The following AP3B1 variants were observed in gnomAD, a reference collection of about 807,000 sequenced individuals.
The protein encoded by AP3B1 is AP-3 complex subunit beta-1.
Under a neutral mutation model 132.5 loss-of-function variants are expected in AP3B1, and 61 were observed. The ratio of observed to expected loss-of-function variants is 0.46; its 90% CI spans 0.37 to 0.57. The LOEUF is 0.57. Among genes scored for constraint, AP3B1 ranks in the 20% least tolerant of loss-of-function variants. The probability of loss-of-function intolerance (pLI) is 0.00; values close to 1 mark genes in which losing one functional copy is unlikely to be tolerated. For missense variants in AP3B1, 1,120 were observed against 1,289.4 expected, an observed-to-expected ratio of 0.87 and a Z score of 2.01; for synonymous variants, 388 against 438.3, an observed-to-expected ratio of 0.89 and a Z score of 1.43.
intron 11 of AP3B1, among the ~76,000 whole-genome samples, chr5:78,168,697 T>C (rs1392128517): frequency 1.3e-5 from 2 of 152,298 alleles, no homozygotes; most frequent in East Asian, 1.9e-4. Flanking sequence ...TTCCACAGAC[T>C]ACAGTACAAC....
intron 3 of AP3B1, among the ~76,000 whole-genome samples, chr5:78,231,859 C>T (rs11960877): frequency 0.27 from 41,527 of 152,082 alleles, 5,875 homozygotes; most frequent in Middle Eastern, 0.34. Flanking sequence ...TTTATTCTTA[C>T]TTTACAGATA....
intron 7 of AP3B1, among the ~76,000 whole-genome samples, chr5:78,183,265 A>G (rs1300915805): frequency 6.6e-6 from 1 of 152,008 alleles, no homozygotes. Context: ...ATGAGACAGC[A>G]CCCCTCTCTC....
intron 1 of AP3B1, among the ~76,000 whole-genome samples, chr5:78,292,910 A>AC: frequency 6.6e-6 from 1 of 151,210 alleles, no homozygotes; most frequent in South Asian, 2.1e-4. Flanking sequence ...ACGGAGTCTC[A>AC]CTCTGTCGCC....
intron 22 of AP3B1, among the ~76,000 whole-genome samples, chr5:78,079,327 T>G (rs1374761691): frequency 6.6e-6 from 1 of 152,146 alleles, no homozygotes; most frequent in Non-Finnish European, 1.5e-5. Flanking sequence ...ACAAAAGAAT[T>G]TTACAGAAAT....
intron 3 of AP3B1, among the ~76,000 whole-genome samples, chr5:78,229,944 C>T (rs1277521438): frequency 1.3e-5 from 2 of 152,132 alleles, no homozygotes; most frequent in African/African-American, 4.8e-5. Context: ...CCTAATTTCT[C>T]GTGAAACATA....
chr5:78,133,447 G>A (rs1424757361), intron 15 of AP3B1, among the ~76,000 whole-genome samples: 2 of 152,148 alleles, frequency 1.3e-5, no homozygotes, highest in Admixed American at 6.5e-5. Context: ...CCTCAAAGCG[G>A]AGGTCTACAA....
At chr5:78,264,267 C>T (rs1580564015) in intron 2 of AP3B1, among the ~76,000 whole-genome samples, 1 of 152,028 alleles carries the variant, frequency 6.6e-6, no homozygotes, top group African/African-American at 2.4e-5. Context: ...TTTTAATTTC[C>T]ACTGGTCATT....
At chr5:78,108,882 A>G (rs930911885) in intron 20 of AP3B1, among the ~76,000 whole-genome samples, 1 of 152,062 alleles carries the variant, frequency 6.6e-6, no homozygotes, top group African/African-American at 2.4e-5. Context: ...GAAGTCTATA[A>G]TTTTTCAACT....
intron 3 of AP3B1, among the ~76,000 whole-genome samples, chr5:78,233,971 T>G (rs558934480): frequency 4.8e-4 from 73 of 152,190 alleles, no homozygotes; most frequent in Admixed American, 9.2e-4. Context: ...AAAAATTATA[T>G]TTTATTTATA....
chr5:78,100,360 AG>A (rs962309061), intron 21 of AP3B1, among the ~76,000 whole-genome samples: 1 of 152,214 alleles, frequency 6.6e-6, no homozygotes, highest in Non-Finnish European at 1.5e-5. Flanking sequence ...CTCACTATGC[AG>A]GAGGATTTAA....
chr5:78,002,933 C>T lies in AP3B1; in HGVS notation c.3254G>A (p.Arg1085Gln), dbSNP rs151028592. 2.6e-5 allele frequency: 42 copies of T among 1,614,028 alleles called. No homozygotes were observed. The highest frequency in any genetic ancestry group is 9.3e-5 in the African/African-American group (7 of 74,912). Residue 1085 changes from arginine (R) to glutamine (Q), a missense_variant, in exon 27 of 27, where the codon CGG becomes CAG. Physicochemically the swap from Arg to Gln is conservative, Grantham distance 43. This residue lies in a region of AP3B1 where 906 missense variants were observed against 997.1 expected (regional missense o/e 0.91). Transcript: ENST00000255194. ...EKTVIGSVLL[R>Q]ELKPVLSQG is the part of the protein sequence containing the mutation. Reference sequence around the variant, plus strand: ...CTGAGACAGGACAGGCTTCAGTTCCCGCAGCAGAACAGAGCCAATCACAGT... The same window carrying T: ...CTGAGACAGGACAGGCTTCAGTTCCTGCAGCAGAACAGAGCCAATCACAGT...
rs1261573628 is a variant in AP3B1 at position 78,243,381 on chromosome 5, G to A, written c.205-2445C>T. Among the ~76,000 whole-genome samples, 3 of 152,230 alleles carry A rather than the reference G, an allele frequency of 2.0e-5. No homozygotes were observed. In the South Asian group the frequency reaches 6.2e-4, roughly 32 times the overall value. ...ACTATCTAACTTTATTCCGCAGAACGTTATTCAAATATGGGGAAGGAAAAA... is the reference window on the plus strand; with the variant it reads ...ACTATCTAACTTTATTCCGCAGAACATTATTCAAATATGGGGAAGGAAAAA... On this transcript the variant is annotated intron_variant, in intron 2 of 26. Transcript: ENST00000255194.
At chr5:78,169,279 G>C (rs1361694572) in intron 11 of AP3B1, among the ~76,000 whole-genome samples, 2 of 151,700 alleles carry the variant, frequency 1.3e-5, no homozygotes, top group Non-Finnish European at 2.9e-5. Flanking sequence ...CTAACCCTTC[G>C]ACCTCCCAAT....
intron 24 of AP3B1, among the ~76,000 whole-genome samples, chr5:78,032,964 A>T: frequency 6.6e-6 from 1 of 152,146 alleles, no homozygotes; most frequent in East Asian, 1.9e-4. Flanking sequence ...GAAAGACAAA[A>T]TGCAAATCCT....
At position 78,010,894 on chromosome 5, in the gene AP3B1, C is replaced by T. The variant is rs1456208814; in HGVS notation, c.3131+4516G>A. Among the ~76,000 whole-genome samples the T allele has an allele frequency of 2.0e-5, 3 of 152,046 alleles. No homozygotes were observed. In the East Asian group the frequency reaches 5.8e-4, roughly 29 times the overall value. ...CATTAAAATAAATTTGAATATCTTA[C>T]ACAGGAAGTGAAGATATTCAGCTAC... On this transcript the variant is annotated intron_variant, in intron 26 of 26. Coordinates refer to ENST00000255194, the MANE Select transcript of AP3B1 (RefSeq NM_003664.5).
chr5:78,139,752 G>C (rs549228593), intron 15 of AP3B1, among the ~76,000 whole-genome samples: 9 of 152,298 alleles, frequency 5.9e-5, no homozygotes, highest in Admixed American at 5.2e-4. Flanking sequence ...GGCAGACAGA[G>C]AGGGAGACAC....
At position 78,075,185 on chromosome 5, in the gene AP3B1, G is replaced by C. The variant is rs1461102910; in HGVS notation, c.2577+14208C>G. Among the ~76,000 whole-genome samples, 4 of 152,104 alleles carry C rather than the reference G, an allele frequency of 2.6e-5. No homozygotes were observed. In the East Asian group the frequency reaches 5.8e-4, roughly 22 times the overall value. On this transcript the variant is annotated intron_variant, in intron 22 of 26. Transcript: ENST00000255194. ...AAAAGAGAGTGAGGAGAACTGGTAG[G>C]GGGGTGGTTGGGGAGGATATATCTA...
intron 17 of AP3B1, among the ~76,000 whole-genome samples, chr5:78,116,778 C>A (rs1751855338): frequency 6.6e-6 from 1 of 152,116 alleles, no homozygotes; most frequent in Non-Finnish European, 1.5e-5. Context: ...CTGACCCACC[C>A]TTCTCTCCTG....
chr5:78,123,955 CCAA>C (rs1334254509), intron 17 of AP3B1, among the ~76,000 whole-genome samples: 1 of 152,182 alleles, frequency 6.6e-6, no homozygotes, highest in Admixed American at 6.5e-5. Context: ...ACACAAATGT[CCAA>C]CAACGACAGA....
Sources: allele counts gnomAD v4.1 joint callset (sites outside exome capture counted in the v4.1 genomes callset), GRCh38; gene constraint gnomAD v4.1.1; regional missense constraint gnomAD v4.1.1; transcripts MANE v1.5; gene names NCBI Gene and HGNC (gene_info 2026-07-23, HGNC 2026-07-21).